Variants in RABGAP1L observed in about 807,000 individuals in gnomAD.
RABGAP1L encodes RAB GTPase activating protein 1 like, also known as rab GTPase-activating protein 1-like.
A neutral mutation model predicts 137.7 loss-of-function variants in RABGAP1L; 63 were observed. That is an observed-to-expected ratio of 0.46 (90% CI 0.37 to 0.56). The LOEUF (loss-of-function observed/expected upper bound fraction) is 0.56, where lower values mean the gene tolerates loss of function less well. Ranked by LOEUF, RABGAP1L falls within the 20% of genes least tolerant of loss-of-function variation. RABGAP1L has a pLI of 0.00. For synonymous variants in RABGAP1L, 431 were observed against 433.7 expected, an observed-to-expected ratio of 0.99 and a Z score of 0.08; for missense variants, 1,095 against 1,244.0, an observed-to-expected ratio of 0.88 and a Z score of 1.80.
chr1:174,314,583 C>T (rs1001921060), intron 11 of RABGAP1L, among the ~76,000 whole-genome samples: 2 of 152,034 alleles, frequency 1.3e-5, no homozygotes, highest in Non-Finnish European at 2.9e-5. Flanking sequence ...TTTTAAGATG[C>T]ATCATTAGAA....
chr1:174,969,684 C>T (rs1473955301), intron 21 of RABGAP1L, among the ~76,000 whole-genome samples: 1 of 152,164 alleles, frequency 6.6e-6, no homozygotes, highest in Non-Finnish European at 1.5e-5. Context: ...CATCAGTCAC[C>T]AAGAATATGC....
chr1:174,501,073 A>T (rs1661222201), intron 13 of RABGAP1L, among the ~76,000 whole-genome samples: 1 of 152,132 alleles, frequency 6.6e-6, no homozygotes, highest in Admixed American at 6.5e-5. Flanking sequence ...CCTGTTGTAA[A>T]TGTACTTCTC....
intron 13 of RABGAP1L, among the ~76,000 whole-genome samples, chr1:174,524,494 G>T (rs1175177989): frequency 6.6e-6 from 1 of 151,796 alleles, no homozygotes; most frequent in Non-Finnish European, 1.5e-5. Context: ...ACTTTTTAAT[G>T]GGATATTTGT....
chr1:174,407,077 T>C (rs575075224), intron 13 of RABGAP1L, among the ~76,000 whole-genome samples: 2 of 152,310 alleles, frequency 1.3e-5, no homozygotes, highest in African/African-American at 4.8e-5. Flanking sequence ...GATTTACTTT[T>C]CCATTTAAAT....
At chr1:174,836,705 A>G (rs948569474) in intron 19 of RABGAP1L, among the ~76,000 whole-genome samples, 7 of 152,118 alleles carry the variant, frequency 4.6e-5, no homozygotes, top group Non-Finnish European at 1.0e-4. Context: ...ATACTCTGAC[A>G]TTGTTCTCTG....
intron 14 of RABGAP1L, among the ~76,000 whole-genome samples, chr1:174,669,748 TTGTA>T (rs1401507652): frequency 6.6e-6 from 1 of 152,202 alleles, no homozygotes; most frequent in Non-Finnish European, 1.5e-5. Context: ...TCTTTCCACA[TTGTA>T]TGTTCTTAGT....
intron 19 of RABGAP1L, among the ~76,000 whole-genome samples, chr1:174,944,615 C>T (rs1173956737): frequency 1.4e-5 from 2 of 138,026 alleles, no homozygotes; most frequent in Non-Finnish European, 3.0e-5. Context: ...CCAGCCTGAG[C>T]AACAGAGTGA....
chr1:174,892,421 G>T, intron 19 of RABGAP1L: 1 of 409,566 alleles, frequency 2.4e-6, no homozygotes, highest in South Asian at 1.9e-5. Context: ...GAAGAAATAT[G>T]AATATCAACA....
chr1:174,466,454 C>T (rs1368758975), intron 13 of RABGAP1L, among the ~76,000 whole-genome samples: 2 of 152,026 alleles, frequency 1.3e-5, no homozygotes, highest in African/African-American at 4.8e-5. Flanking sequence ...CATTTTTTCC[C>T]CTTTTGTTTC....
intron 1 of RABGAP1L, among the ~76,000 whole-genome samples, chr1:174,183,635 A>G: frequency 6.6e-6 from 1 of 152,122 alleles, no homozygotes; most frequent in Non-Finnish European, 1.5e-5. Context: ...TTAAGTCTGT[A>G]GTTTATATTA....
chr1:174,621,885 GC>G (rs969429551), intron 13 of RABGAP1L, among the ~76,000 whole-genome samples: 154 of 152,262 alleles, frequency 1.0e-3, no homozygotes, highest in African/African-American at 3.5e-3. Context: ...CTTCTGCACA[GC>G]AAAAGAAACT....
At chr1:174,524,611 A>T (rs2147860206) in intron 13 of RABGAP1L, among the ~76,000 whole-genome samples, 1 of 152,190 alleles carries the variant, frequency 6.6e-6, no homozygotes, top group East Asian at 1.9e-4. Context: ...CACTATGTTG[A>T]TTATTTCCTT....
chr1:174,596,979 T>A (rs1669990633), intron 13 of RABGAP1L, among the ~76,000 whole-genome samples: 1 of 152,214 alleles, frequency 6.6e-6, no homozygotes, highest in Admixed American at 6.5e-5. Flanking sequence ...AATGATCATA[T>A]GGTCTACGTC....
chr1:174,437,689 C>T (rs1028962349), intron 13 of RABGAP1L, among the ~76,000 whole-genome samples: 9 of 152,020 alleles, frequency 5.9e-5, no homozygotes, highest in Non-Finnish European at 2.9e-5. Context: ...GCAAGGCAGA[C>T]CAACATTCAA....
chr1:174,321,621 A>AT (rs1259509133), intron 11 of RABGAP1L, among the ~76,000 whole-genome samples: 4 of 152,110 alleles, frequency 2.6e-5, no homozygotes, highest in Non-Finnish European at 4.4e-5. Flanking sequence ...TTTGATTACA[A>AT]TTTTTTTGGC....
At chr1:174,881,322 T>A (rs2149087969) in intron 19 of RABGAP1L, among the ~76,000 whole-genome samples, 1 of 152,210 alleles carries the variant, frequency 6.6e-6, no homozygotes, top group South Asian at 2.1e-4. Context: ...TATTGTTTTA[T>A]ATATCAAACT....
intron 14 of RABGAP1L, among the ~76,000 whole-genome samples, chr1:174,654,875 A>G (rs1040763964): frequency 3.9e-5 from 6 of 152,262 alleles, no homozygotes; most frequent in South Asian, 4.2e-4. Flanking sequence ...CACTGAATCT[A>G]TTTTTAGAGC....
chr1:174,640,924 A>G (rs979785245), intron 14 of RABGAP1L, among the ~76,000 whole-genome samples: 1 of 147,804 alleles, frequency 6.8e-6, no homozygotes, highest in Non-Finnish European at 1.5e-5. Context: ...TTTTTTTAAA[A>G]TAGTGTTTTC....
chr1:174,552,086 A>G (rs1432920801), intron 13 of RABGAP1L, among the ~76,000 whole-genome samples: 1 of 152,220 alleles, frequency 6.6e-6, no homozygotes, highest in East Asian at 1.9e-4. Flanking sequence ...AAAGATATTA[A>G]TACATGTTTA....
Sources: gnomAD v4.1 joint callset for allele counts (sites outside exome capture counted in the v4.1 genomes callset) on GRCh38, gnomAD v4.1.1 for gene constraint, MANE v1.5 for transcripts, NCBI Gene and HGNC (gene_info 2026-07-23, HGNC 2026-07-21) for gene names.